Variants in ESRRG observed in about 807,000 individuals in gnomAD.
ESRRG encodes estrogen related receptor gamma, also known as estrogen-related receptor gamma.
Under a neutral mutation model 44.0 loss-of-function variants are expected in ESRRG, and 13 were observed. That is an observed-to-expected ratio of 0.30 (90% CI 0.19 to 0.47). ESRRG has a LOEUF of 0.47. Ranked by LOEUF, ESRRG falls within the 20% of genes least tolerant of loss-of-function variation. The pLI is 1.00. For missense variants in ESRRG, 395 were observed against 580.6 expected (o/e 0.68, Z 3.29); for synonymous variants, 215 against 214.6 (o/e 1.00, Z -0.02).
At chr1:216,899,147 G>T (rs1180685808) in intron 2 of ESRRG, among the ~76,000 whole-genome samples, 1 of 152,106 alleles carries the variant, frequency 6.6e-6, no homozygotes, top group African/African-American at 2.4e-5. Flanking sequence ...GAAATAAATG[G>T]CTAAGAAACT....
chr1:216,773,439 A>G (rs2093463310), intron 2 of ESRRG, among the ~76,000 whole-genome samples: 1 of 152,084 alleles, frequency 6.6e-6, no homozygotes, highest in East Asian at 1.9e-4. Flanking sequence ...TGCACCACTG[A>G]TCCCACTGAA....
chr1:216,781,007 T>G (rs1292338241), intron 2 of ESRRG, among the ~76,000 whole-genome samples: 1 of 152,052 alleles, frequency 6.6e-6, no homozygotes, highest in African/African-American at 2.4e-5. Flanking sequence ...AATAAATAAT[T>G]TTGTGGTATC....
rs549814949 is a variant in ESRRG at position 216,623,214 on chromosome 1, C to T, written c.589+27759G>A. ...TCTCCTGCCTCAGCCTCCCGAGTTG[C>T]TGGGACTACAGGGGCCCACCACCAC... On this transcript the variant is annotated intron_variant, in intron 3 of 6. Transcript: ENST00000408911. Among the ~76,000 whole-genome samples, 304 of 149,906 alleles carry T rather than the reference C, an allele frequency of 2.0e-3. 2 individuals are homozygous for T. Among genetic ancestry groups the T allele is most frequent in the African/African-American group, 6.8e-3 (277 of 40,766 alleles).
intron 2 of ESRRG, among the ~76,000 whole-genome samples, chr1:216,846,412 G>A (rs1159090232): frequency 6.6e-6 from 1 of 152,028 alleles, no homozygotes; most frequent in Non-Finnish European, 1.5e-5. Flanking sequence ...GTAGAGGTCC[G>A]GATAGTCAGT....
chr1:216,718,379 T>A (rs1455909185), intron 1 of ESRRG, among the ~76,000 whole-genome samples: 4 of 152,060 alleles, frequency 2.6e-5, no homozygotes, highest in East Asian at 3.9e-4. Flanking sequence ...TCCTATCGAC[T>A]GCTTTGAGTT....
intron 3 of ESRRG, among the ~76,000 whole-genome samples, chr1:216,618,902 C>G (rs1400958084): frequency 6.6e-6 from 1 of 152,210 alleles, no homozygotes; most frequent in African/African-American, 2.4e-5. Flanking sequence ...GAGAACAGCC[C>G]ATGCCATTGA....
At chr1:216,929,819 A>G (rs2149806261) in intron 2 of ESRRG, among the ~76,000 whole-genome samples, 1 of 152,222 alleles carries the variant, frequency 6.6e-6, no homozygotes, top group South Asian at 2.1e-4. Flanking sequence ...TTCCTCCTTT[A>G]TGATGCTATT....
At chr1:216,536,899 A>C (rs2051136507) in intron 5 of ESRRG, among the ~76,000 whole-genome samples, 1 of 152,002 alleles carries the variant, frequency 6.6e-6, no homozygotes, top group African/African-American at 2.4e-5. Flanking sequence ...GAGAAACATG[A>C]ATACAAAACT....
At chr1:217,057,979 A>G (rs553463747) in intron 1 of ESRRG, among the ~76,000 whole-genome samples, 3 of 152,284 alleles carry the variant, frequency 2.0e-5, no homozygotes, top group Non-Finnish European at 2.9e-5. Flanking sequence ...AGAAAATTGA[A>G]CATATGGATA....
In ESRRG at chr1:216,611,262, C is replaced by A. The variant is rs570630363; in HGVS notation, c.589+39711G>T. ...ATCATCTCAGACACAGTTTGGCACA[C>A]GGCAGGTATTTGATATAAGTGGTAA... is the stretch of plus-strand genomic sequence containing the variant. On this transcript the variant is annotated intron_variant, in intron 3 of 6. Transcript: ENST00000408911. 4.1e-5 allele frequency among the ~76,000 whole-genome samples: 6 copies of A among 146,556 alleles called. No individual in the cohort carries two copies. In the East Asian group the frequency reaches 1.2e-3, roughly 29 times the overall value.
At chr1:216,789,775 G>T (rs539374787) in intron 2 of ESRRG, among the ~76,000 whole-genome samples, 1 of 152,152 alleles carries the variant, frequency 6.6e-6, no homozygotes, top group African/African-American at 2.4e-5. Context: ...TCTTTCACTG[G>T]TAGAAATATA....
intron 6 of ESRRG, 104 bp downstream of exon 6, chr1:216,519,048 C>T (rs1377210123): frequency 5.7e-6 from 6 of 1,045,196 alleles, no homozygotes; most frequent in Non-Finnish European, 8.4e-6. Flanking sequence ...CTGACTCATA[C>T]AAAATTTACA....
At chr1:216,530,867 TGTG>T (rs1231568331) in intron 5 of ESRRG, among the ~76,000 whole-genome samples, 1 of 152,164 alleles carries the variant, frequency 6.6e-6, no homozygotes, top group Non-Finnish European at 1.5e-5. Context: ...ACTTGGTGTT[TGTG>T]GAGTTAACGC....
At chr1:216,587,859 C>T (rs145760693) in intron 3 of ESRRG, among the ~76,000 whole-genome samples, 1 of 152,262 alleles carries the variant, frequency 6.6e-6, no homozygotes, top group East Asian at 1.9e-4. Context: ...TTCATGCAAG[C>T]AGTGCATTAT....
At chr1:216,720,071 C>T (rs1220473444) in intron 1 of ESRRG, among the ~76,000 whole-genome samples, 1 of 152,042 alleles carries the variant, frequency 6.6e-6, no homozygotes, top group African/African-American at 2.4e-5. Flanking sequence ...ATTTCATTAA[C>T]TCAGGAACAG....
At chr1:216,770,686 T>C (rs563478012) in intron 2 of ESRRG, among the ~76,000 whole-genome samples, 1 of 152,250 alleles carries the variant, frequency 6.6e-6, no homozygotes, top group Admixed American at 6.6e-5. Context: ...TATCTCATCT[T>C]TTTAAAAAAC....
chr1:216,771,630 T>A (rs2093384863), intron 2 of ESRRG, among the ~76,000 whole-genome samples: 1 of 152,108 alleles, frequency 6.6e-6, no homozygotes, highest in Non-Finnish European at 1.5e-5. Context: ...ATATACTGTA[T>A]TTAAAAGCTT....
intron 2 of ESRRG, among the ~76,000 whole-genome samples, chr1:216,797,097 G>C (rs1236890257): frequency 6.6e-6 from 1 of 151,892 alleles, no homozygotes; most frequent in Non-Finnish European, 1.5e-5. Context: ...TCACCATGTT[G>C]GTCAGCCTGG....
At chr1:216,723,185 C>G (rs1302124781) in intron 1 of ESRRG, 59 bp downstream of exon 1, 88 of 1,315,568 alleles carry the variant, frequency 6.7e-5, no homozygotes, top group Non-Finnish European at 8.9e-5. Flanking sequence ...TATAGTCTGT[C>G]CGCCCCCACC....
Sources: gnomAD v4.1 joint callset for allele counts (sites outside exome capture counted in the v4.1 genomes callset) on GRCh38, gnomAD v4.1.1 for gene constraint, MANE v1.5 for transcripts, NCBI Gene and HGNC (gene_info 2026-07-23, HGNC 2026-07-21) for gene names.